The following TXLNG variants were observed in gnomAD, a reference collection of about 807,000 sequenced individuals.
TXLNG encodes taxilin gamma, also known as gamma-taxilin.
TXLNG carries 5 observed loss-of-function variants against 38.8 expected under a neutral mutation model. The ratio of observed to expected loss-of-function variants is 0.13; its 90% CI spans 0.07 to 0.27. TXLNG has a LOEUF of 0.27. Among genes scored for constraint, TXLNG ranks in the 10% least tolerant of loss-of-function variants. The pLI is 1.00. For missense variants in TXLNG, 393 were observed against 398.2 expected, an observed-to-expected ratio of 0.99 and a Z score of 0.11; for synonymous variants, 182 against 158.2, an observed-to-expected ratio of 1.15 and a Z score of -1.13.
At chrX:16,839,708 G>T in intron 8 of TXLNG, 113 bp from the exon 9 acceptor site, 1 of 465,579 alleles carries the variant, frequency 2.1e-6, no homozygotes, top group Non-Finnish European at 3.6e-6. Flanking sequence ...AGCTGGGTGA[G>T]GGAGGTGCAG....
intron 1 of TXLNG, among the ~76,000 whole-genome samples, chrX:16,799,457 G>A (rs1928002535): frequency 9.0e-6 from 1 of 111,655 alleles, no homozygotes; most frequent in Admixed American, 9.5e-5. Context: ...TTGTAACACT[G>A]AACTAAATAA....
chrX:16,832,827 G>A lies in TXLNG; in HGVS notation c.984+85G>A, dbSNP rs1269620275. 8 of 1,083,289 alleles carry A rather than the reference G, an allele frequency of 7.4e-6. No individual in the cohort carries two copies. In the African/African-American group the frequency reaches 7.5e-5, roughly 10 times the overall value. The allele number at this position is 1,083,289 out of a possible 1,213,427, so 89.3% of individuals were successfully genotyped here. A position where few individuals can be genotyped will look rare whatever the true frequency, so the allele number is the denominator to read the frequency against. ...GAAACATCAAATTGTAACCAAGGCC[G>A]TTTGAAACATTTATCTATTCTACCT... On this transcript the variant is annotated intron_variant, in intron 6 of 9. Transcript: ENST00000380122.
In TXLNG at chrX:16,843,591, T is replaced by TAATG. The variant is rs1051032086; in HGVS notation, c.*1827_*1830dup. 2 of 112,054 alleles carry TAATG rather than the reference T, an allele frequency of 1.8e-5. No individual in the cohort carries two copies. The highest frequency in any genetic ancestry group is 3.8e-5 in the Non-Finnish European group (2 of 53,232). The allele number at this position is 112,054 out of a possible 1,213,427, so 9.2% of individuals were successfully genotyped here. A position where few individuals can be genotyped will look rare whatever the true frequency, so the allele number is the denominator to read the frequency against. ...ATATAATCCACCTTAAAATTAGTAC[T>TAATG]AATGATCACATTATTTCACAAGAAC... On this transcript the variant is annotated 3_prime_UTR_variant, in exon 10 of 10. Transcript: ENST00000380122.
intron 6 of TXLNG, 108 bp downstream of exon 6, chrX:16,832,850 C>A: frequency 1.0e-6 from 1 of 997,143 alleles, no homozygotes; most frequent in Non-Finnish European, 1.3e-6. Flanking sequence ...ATCTATTCTA[C>A]CTTTAATGTA....
At chrX:16,794,710 A>G (rs748765987) in intron 1 of TXLNG, among the ~76,000 whole-genome samples, 3 of 111,381 alleles carry the variant, frequency 2.7e-5, no homozygotes, top group Non-Finnish European at 5.6e-5. Flanking sequence ...CACTTAGGTA[A>G]CCCATAAAAG....
In TXLNG at chrX:16,818,856, A is replaced by T. The variant is rs1270578334; in HGVS notation, c.385A>T (p.Arg129Trp). The T allele has an allele frequency of 3.3e-6, 4 of 1,200,896 alleles. No individual in the cohort carries two copies. Among genetic ancestry groups the T allele is most frequent in the Non-Finnish European group, 4.5e-6 (4 of 891,123 alleles). The change falls in exon 2 of 10, where the codon AGG (arginine) becomes TGG (tryptophan). Residue 129 changes from arginine to tryptophan, a missense_variant. Coordinates refer to ENST00000380122, the MANE Select transcript of TXLNG (RefSeq NM_018360.3). Reference sequence around the variant, plus strand: ...TGGTCAGCAAGATTCAGAGTGCAACAGGAACAAAGAAAAAACTTTAGGTAA... The same window carrying T: ...TGGTCAGCAAGATTCAGAGTGCAACTGGAACAAAGAAAAAACTTTAGGTAA... ...PDGQQDSECN[R>W]NKEKTLGKEV... is the part of the protein sequence containing the mutation.
chrX:16,809,200 C>T (rs758859219), intron 1 of TXLNG, among the ~76,000 whole-genome samples: 49 of 111,058 alleles, frequency 4.4e-4, no homozygotes, highest in African/African-American at 1.5e-3. Flanking sequence ...CCTTGTGCTG[C>T]TGGTTCCCAG....
At position 16,843,123 on chromosome X, in the gene TXLNG, C is replaced by G. The variant is rs991677279; in HGVS notation, c.*1357C>G. On this transcript the variant is annotated 3_prime_UTR_variant, in exon 10 of 10. Coordinates refer to ENST00000380122, the MANE Select transcript of TXLNG (RefSeq NM_018360.3). ...GAAATGCTTTATGAAATAAAAGGTT[C>G]TACTAGAACTGATGTTAGCACATTC... The G allele has an allele frequency of 1.8e-5, 2 of 112,470 alleles. No individual in the cohort carries two copies. The highest frequency in any genetic ancestry group is 6.5e-5 in the African/African-American group (2 of 30,976). 9.3% of individuals were successfully genotyped at this position (112,470 alleles called of 1,213,427 possible).
chrX:16,815,148 A>G (rs1162992219), intron 1 of TXLNG, among the ~76,000 whole-genome samples: 1 of 111,461 alleles, frequency 9.0e-6, no homozygotes, highest in Non-Finnish European at 1.9e-5. Flanking sequence ...TGTGTTAGAG[A>G]TAAGCAGTCT....
chrX:16,815,137 CTG>C (rs986869506), intron 1 of TXLNG, among the ~76,000 whole-genome samples: 2 of 111,225 alleles, frequency 1.8e-5, no homozygotes, highest in South Asian at 3.7e-4. Context: ...CTGAGAAATT[CTG>C]TGTTAGAGAT....
intron 9 of TXLNG, chrX:16,840,409 C>CA: frequency 2.7e-6 from 2 of 752,342 alleles, no homozygotes; most frequent in Non-Finnish European, 3.1e-6. Flanking sequence ...AAAAAAGCAA[C>CA]AAAGTACGTT....
In TXLNG at chrX:16,842,110, G is replaced by T. The variant is rs1929872002; in HGVS notation, c.*344G>T. On this transcript the variant is annotated 3_prime_UTR_variant, in exon 10 of 10. Coordinates refer to ENST00000380122, the MANE Select transcript of TXLNG (RefSeq NM_018360.3). The stretch of plus-strand genomic sequence containing the variant: ...TACAAGGGAACTTTGTTCTGACGAT[G>T]GTTCCTTGATGTGAAAACAATATTA... The T allele has an allele frequency of 6.5e-6, 1 of 154,891 alleles. No homozygotes were observed. Among genetic ancestry groups the T allele is most frequent in the African/African-American group, 3.2e-5 (1 of 31,547 alleles). 12.8% of individuals were successfully genotyped at this position (154,891 alleles called of 1,213,427 possible).
intron 3 of TXLNG, among the ~76,000 whole-genome samples, chrX:16,823,616 G>T (rs1188471198): frequency 1.8e-5 from 2 of 110,938 alleles, no homozygotes; most frequent in African/African-American, 6.6e-5. Context: ...ATGTCATTGT[G>T]CTTGTTGCAC....
chrX:16,834,134 G>GA, intron 6 of TXLNG, 149 bp from the exon 7 acceptor site: 1 of 425,057 alleles, frequency 2.4e-6, no homozygotes. Context: ...GAAGATACAG[G>GA]TAAATGGCAA....
Position 16,838,019 on chromosome X carries a change from T to C in TXLNG, c.1152+334T>C, listed in dbSNP as rs755039948. Among the ~76,000 whole-genome samples the C allele has an allele frequency of 2.2e-4, 25 of 112,201 alleles. No homozygotes were observed. The South Asian group carries it at 8.2e-3, about 37-fold the overall frequency. On this transcript the variant is annotated intron_variant, in intron 8 of 9. Coordinates refer to ENST00000380122, the MANE Select transcript of TXLNG (RefSeq NM_018360.3). The stretch of plus-strand genomic sequence containing the variant: ...TCCTCAGCCCTCTCATAAAACTCTG[T>C]GTCCTTGGAGATTAACTATTGAAAG...
At chrX:16,840,141 C>T (rs1380531495) in intron 9 of TXLNG, among the ~76,000 whole-genome samples, 1 of 112,448 alleles carries the variant, frequency 8.9e-6, no homozygotes, top group Non-Finnish European at 1.9e-5. Flanking sequence ...GAGCTTCCTA[C>T]CACCCAGTTA....
rs187761941 is a variant in TXLNG, at chrX:16,799,493, C to T, written c.102+12904C>T. On this transcript the variant is annotated intron_variant, in intron 1 of 9. Coordinates refer to ENST00000380122, the MANE Select transcript of TXLNG (RefSeq NM_018360.3). ...TGTATTTAAAATGTCAGGCATTAGG[C>T]CGGGCATGGTGGCTCATGCCTGTAA... Among the ~76,000 whole-genome samples, 13 of 111,954 alleles carry T rather than the reference C, an allele frequency of 1.2e-4. 1 individual carries two copies. The East Asian group carries it at 3.7e-3, about 32-fold the overall frequency.
chrX:16,808,271 T>C (rs1928397950), intron 1 of TXLNG, among the ~76,000 whole-genome samples: 1 of 112,096 alleles, frequency 8.9e-6, no homozygotes, highest in Non-Finnish European at 1.9e-5. Context: ...GCTCACAAGA[T>C]GCAGATGTCA....
chrX:16,821,287 C>T (rs772565755), intron 3 of TXLNG, among the ~76,000 whole-genome samples: 2 of 108,599 alleles, frequency 1.8e-5, no homozygotes, highest in South Asian at 4.0e-4. Context: ...ACTACAGGCG[C>T]GTGCCACCAC....
Sources: allele counts gnomAD v4.1 joint callset (sites outside exome capture counted in the v4.1 genomes callset), GRCh38; gene constraint gnomAD v4.1.1; transcripts MANE v1.5; gene names NCBI Gene and HGNC (gene_info 2026-07-23, HGNC 2026-07-21).